Variants in CEP290 observed in about 807,000 individuals in gnomAD.
The protein encoded by CEP290 is centrosomal protein 290, also known as centrosomal protein of 290 kDa.
CEP290 carries 317 observed loss-of-function variants against 344.9 expected under a neutral mutation model. The ratio of observed to expected loss-of-function variants is 0.92; its 90% CI spans 0.84 to 1.01. CEP290 has a LOEUF of 1.01. CEP290 is among the 50% of genes least tolerant of loss of function. The probability of loss-of-function intolerance (pLI) is 0.00; values close to 1 mark genes in which losing one functional copy is unlikely to be tolerated. For synonymous variants in CEP290, 932 were observed against 895.8 expected (o/e 1.04, Z -0.72); for missense variants, 2,754 against 2,761.4 (o/e 1.00, Z 0.06).
At chr12:88,064,217 C>A in intron 44 of CEP290, 102 bp from the exon 45 acceptor site, 2 of 993,420 alleles carry the variant, frequency 2.0e-6, no homozygotes, top group East Asian at 2.8e-5. Context: ...ACTTTTTTTC[C>A]TCAAAGGAAT....
intron 49 of CEP290, 131 bp downstream of exon 49, chr12:88,058,715 TTA>T: frequency 1.2e-6 from 1 of 856,316 alleles, no homozygotes; most frequent in South Asian, 1.7e-5. Context: ...AAAAAAAGTA[TTA>T]TGTTAAAACA....
chr12:88,087,796 AT>A lies in CEP290; in HGVS notation c.4177del (p.Ile1393LeufsTer26). ...AAATAAAACCTTGTTCTGTTGCACA[AT>A]TTCTTCTTCAAGACTGCTGATTGTA... ...ERTISSLEEE[I>X]VQQNKFHEER... On this transcript the variant is annotated frameshift_variant, in exon 32 of 54. Transcript: ENST00000552810. LOFTEE classifies it high-confidence loss of function. 1 of 1,270,566 alleles carries A rather than the reference AT, an allele frequency of 7.9e-7. No homozygotes were observed. Among genetic ancestry groups the A allele is most frequent in the Non-Finnish European group, 1.0e-6 (1 of 984,402 alleles). 78.7% of individuals were successfully genotyped at this position (1,270,566 alleles called of 1,614,324 possible).
chr12:88,126,514 A>G (rs951843597), intron 11 of CEP290, 76 bp from the exon 12 acceptor site: 2 of 1,014,174 alleles, frequency 2.0e-6, no homozygotes, highest in Admixed American at 7.1e-5. Context: ...TAAATAATAA[A>G]CACCGTTAGT....
At chr12:88,064,598 G>A (rs1027390402) in intron 44 of CEP290, among the ~76,000 whole-genome samples, 4 of 152,078 alleles carry the variant, frequency 2.6e-5, no homozygotes, top group Non-Finnish European at 5.9e-5. Flanking sequence ...AACCCTATTC[G>A]ACTGTGACTG....
chr12:88,130,209 T>C, intron 9 of CEP290, 59 bp downstream of exon 9: 1 of 1,426,294 alleles, frequency 7.0e-7, no homozygotes, highest in South Asian at 1.3e-5. Flanking sequence ...ATATTTACAT[T>C]GTAATGAAAT....
At chr12:88,107,209 C>T (rs2038349755) in intron 23 of CEP290, 111 bp from the exon 24 acceptor site, 1 of 565,766 alleles carries the variant, frequency 1.8e-6, no homozygotes, top group East Asian at 3.3e-5. Flanking sequence ...CAAGAGGTAT[C>T]ATAGCTATTC....
chr12:88,061,056 A>G, intron 46 of CEP290, 62 bp from the exon 47 acceptor site: 1 of 1,207,934 alleles, frequency 8.3e-7, no homozygotes, highest in East Asian at 2.7e-5. Flanking sequence ...CGAAGTACCA[A>G]CAATACAACA....
intron 13 of CEP290, among the ~76,000 whole-genome samples, chr12:88,124,125 A>G (rs1014350806): frequency 1.3e-5 from 2 of 152,008 alleles, no homozygotes; most frequent in African/African-American, 4.8e-5. Context: ...AACACAGCCT[A>G]AGTCAAATTA....
At chr12:88,131,782 GAAAC>G (rs1157797235) in intron 6 of CEP290, among the ~76,000 whole-genome samples, 1 of 151,964 alleles carries the variant, frequency 6.6e-6, no homozygotes, top group Non-Finnish European at 1.5e-5. Flanking sequence ...AAAGAATACA[GAAAC>G]AAATTAATCT....
At chr12:88,090,282 A>G (rs1424339748) in intron 30 of CEP290, among the ~76,000 whole-genome samples, 1 of 152,192 alleles carries the variant, frequency 6.6e-6, no homozygotes, top group Non-Finnish European at 1.5e-5. Flanking sequence ...AGAGCTTTCT[A>G]ATCAGGTTCC....
Position 88,129,842 on chromosome 12 carries a change from T to G in CEP290, c.704A>C (p.Gln235Pro). The stretch of plus-strand genomic sequence containing the variant: ...TAAATTTTTTCTCATTTCTTGATTC[T>G]GAACTTCAATTTTCTCATTAGCTTC... ...LTEANEKIEV[Q>P]NQEMRKNLEE... Residue 235 changes from glutamine (Q) to proline (P), a missense_variant, in exon 10 of 54, where the codon CAG becomes CCG. Physicochemically the swap from Gln to Pro is moderately conservative, Grantham distance 76. Coordinates refer to ENST00000552810, the MANE Select transcript of CEP290 (RefSeq NM_025114.4). 6.8e-7 allele frequency: 1 copy of G among 1,460,102 alleles called. No individual in the cohort carries two copies. Among genetic ancestry groups the G allele is most frequent in the Non-Finnish European group, 9.0e-7 (1 of 1,107,270 alleles). The allele number at this position is 1,460,102 out of a possible 1,614,324, so 90.4% of individuals were successfully genotyped here. A position where few individuals can be genotyped will look rare whatever the true frequency, so the allele number is the denominator to read the frequency against.
intron 6 of CEP290, among the ~76,000 whole-genome samples, chr12:88,133,027 T>TC (rs2040163687): frequency 6.6e-6 from 1 of 151,816 alleles, no homozygotes; most frequent in Non-Finnish European, 1.5e-5. Flanking sequence ...GATAATGGCT[T>TC]CCACCTCCAT....
At chr12:88,118,787 A>G in intron 15 of CEP290, 44 bp from the exon 16 acceptor site, 1 of 1,409,752 alleles carries the variant, frequency 7.1e-7, no homozygotes. Flanking sequence ...AAACATTCAA[A>G]TAAGCTGCAA....
chr12:88,080,817 C>A (rs906753974), intron 37 of CEP290, among the ~76,000 whole-genome samples: 15 of 152,254 alleles, frequency 9.9e-5, no homozygotes, highest in Admixed American at 5.2e-4. Flanking sequence ...TCCTAAGTAT[C>A]CTTACAATCT....
At chr12:88,109,226 G>C (rs1325964704) in intron 22 of CEP290, 45 bp from the exon 23 acceptor site, 3 of 640,196 alleles carry the variant, frequency 4.7e-6, no homozygotes, top group Non-Finnish European at 7.9e-6. Context: ...AAACACAATA[G>C]AATAAATGCT....
At chr12:88,135,374 T>A (rs1470961127) in intron 6 of CEP290, among the ~76,000 whole-genome samples, 2 of 152,106 alleles carry the variant, frequency 1.3e-5, no homozygotes, top group East Asian at 1.9e-4. Context: ...GAATGATAAG[T>A]CAACTGATAC....
At chr12:88,095,428 G>A (rs2037357047) in intron 27 of CEP290, among the ~76,000 whole-genome samples, 1 of 152,050 alleles carries the variant, frequency 6.6e-6, no homozygotes, top group Non-Finnish European at 1.5e-5. Flanking sequence ...AAGAGATCAA[G>A]ATATGTAAAA....
chr12:88,115,658 C>T (rs1346254077), intron 18 of CEP290: 91 of 1,019,532 alleles, frequency 8.9e-5, no homozygotes, highest in Non-Finnish European at 1.1e-4. Context: ...ATGTGTATAA[C>T]TGATGTTAAA....
rs1565925302 is a variant in CEP290, at chr12:88,136,627, A to C, written c.441+16T>G. On this transcript the variant is annotated intron_variant, in intron 6 of 53. Transcript: ENST00000552810. ...ACTTGAACAGTGAAGATTCATGGAA[A>C]AAAAAAGTGCTTTACTTGCTCATTA... 2.5e-6 allele frequency: 4 copies of C among 1,613,032 alleles called. No homozygotes were observed. The highest frequency in any genetic ancestry group is 1.7e-4 in the Middle Eastern group (1 of 6,058).
Sources: gnomAD v4.1 joint callset for allele counts (sites outside exome capture counted in the v4.1 genomes callset) on GRCh38, gnomAD v4.1.1 for gene constraint, MANE v1.5 for transcripts, NCBI Gene and HGNC (gene_info 2026-07-23, HGNC 2026-07-21) for gene names.